Variants in TSPAN9 observed in about 807,000 individuals in gnomAD.
TSPAN9 encodes the protein tetraspanin 9, also known as tetraspanin-9.
A neutral mutation model predicts 31.0 loss-of-function variants in TSPAN9; 16 were observed. The ratio of observed to expected loss-of-function variants is 0.52; its 90% CI spans 0.35 to 0.78. The LOEUF (loss-of-function observed/expected upper bound fraction) is 0.78, where lower values mean the gene tolerates loss of function less well. TSPAN9 is among the 30% of genes least tolerant of loss of function. The pLI is 0.01. For missense variants in TSPAN9, 272 were observed against 312.5 expected (o/e 0.87, Z 0.98); for synonymous variants, 145 against 121.6 (o/e 1.19, Z -1.27).
At chr12:3,118,154 A>G (rs542459613) in intron 2 of TSPAN9, among the ~76,000 whole-genome samples, 1 of 151,312 alleles carries the variant, frequency 6.6e-6, no homozygotes, top group Non-Finnish European at 1.5e-5. Flanking sequence ...TACGTGAAGC[A>G]TGTAGAACCC....
chr12:3,109,692 G>A (rs922125317), intron 2 of TSPAN9, among the ~76,000 whole-genome samples: 2 of 151,694 alleles, frequency 1.3e-5, no homozygotes, highest in Admixed American at 1.3e-4. Flanking sequence ...CAGCTACTCA[G>A]GAGGCTGAGG....
intron 3 of TSPAN9, among the ~76,000 whole-genome samples, chr12:3,246,520 G>A (rs1342365413): frequency 6.6e-6 from 1 of 152,156 alleles, no homozygotes; most frequent in Non-Finnish European, 1.5e-5. Flanking sequence ...AGGGAAAGAG[G>A]CAGATGGACA....
intron 1 of TSPAN9, among the ~76,000 whole-genome samples, chr12:3,081,425 G>A (rs1007037087): frequency 7.2e-5 from 11 of 152,066 alleles, no homozygotes; most frequent in Non-Finnish European, 1.0e-4. Flanking sequence ...TGCTTTGCGC[G>A]TTCCTTCTTG....
chr12:3,225,876 A>G (rs982877352), intron 3 of TSPAN9, among the ~76,000 whole-genome samples: 1 of 152,144 alleles, frequency 6.6e-6, no homozygotes, highest in Admixed American at 6.5e-5. Flanking sequence ...TGGAAGAACA[A>G]AGCCATGCCA....
chr12:3,278,601 C>T lies in TSPAN9; in HGVS notation c.244C>T (p.Leu82Phe), dbSNP rs1337933556. Residue 82 changes from leucine to phenylalanine, a missense_variant, in exon 4 of 9, where the codon CTC (leucine) becomes TTC (phenylalanine). Physicochemically the swap from Leu to Phe is conservative, Grantham distance 22. Coordinates refer to ENST00000011898, the MANE Select transcript of TSPAN9 (RefSeq NM_006675.5). Reference sequence around the variant, plus strand: ...GGGGGCCATCAAGGAAAACAAGTGCCTCCTCCTCAGCGTAAGTTCTGTCCA... The same window carrying T: ...GGGGGCCATCAAGGAAAACAAGTGCTTCCTCCTCAGCGTAAGTTCTGTCCA... ...CLGAIKENKC[L>F]LLSFFIVLLV... 2 of 1,613,996 alleles carry T rather than the reference C, an allele frequency of 1.2e-6. No individual in the cohort carries two copies. Among genetic ancestry groups the T allele is most frequent in the Middle Eastern group, 1.6e-4 (1 of 6,062 alleles).
chr12:3,095,992 C>T (rs1565573802), intron 2 of TSPAN9, among the ~76,000 whole-genome samples: 1 of 150,166 alleles, frequency 6.7e-6, no homozygotes, highest in Non-Finnish European at 1.5e-5. Context: ...GGCGGCTGCT[C>T]CTTGCCCTCG....
Position 3,278,599 on chromosome 12 carries a change from G to C in TSPAN9, c.242G>C (p.Cys81Ser), listed in dbSNP as rs1565644248. ...CTGGGGGCCATCAAGGAAAACAAGT[G>C]CCTCCTCCTCAGCGTAAGTTCTGTC... ...GCLGAIKENK[C>S]LLLSFFIVLL... The change falls in exon 4 of 9, where the codon TGC (cysteine) becomes TCC (serine). Residue 81 changes from cysteine (C) to serine (S), a missense_variant. By Grantham distance (112) the Cys-to-Ser change is moderately radical. Transcript: ENST00000011898. The C allele has an allele frequency of 5.0e-6, 8 of 1,613,940 alleles. No homozygotes were observed. The highest frequency in any genetic ancestry group is 5.9e-6 in the Non-Finnish European group (7 of 1,180,002).
At chr12:3,244,711 C>T (rs10848836) in intron 3 of TSPAN9, among the ~76,000 whole-genome samples, 18 of 152,170 alleles carry the variant, frequency 1.2e-4, no homozygotes, top group Non-Finnish European at 7.4e-5. Flanking sequence ...TCTTTAGTCA[C>T]GGTGTGAGAC....
chr12:3,077,508 C>A (rs1469632291), intron 1 of TSPAN9, 55 bp downstream of exon 1: 2 of 152,332 alleles, frequency 1.3e-5, no homozygotes, highest in South Asian at 3.7e-4. Context: ...CGTGCGGAGT[C>A]GCGCGGCCTT....
chr12:3,198,413 A>C (rs111164783), intron 2 of TSPAN9, among the ~76,000 whole-genome samples: 2,753 of 45,988 alleles, frequency 0.06, 250 homozygotes, highest in East Asian at 0.12. Context: ...AGCACAGGTC[A>C]CACCAGCACA....
chr12:3,081,714 C>T (rs2098297909), intron 1 of TSPAN9, among the ~76,000 whole-genome samples: 1 of 151,612 alleles, frequency 6.6e-6, no homozygotes, highest in Non-Finnish European at 1.5e-5. Flanking sequence ...ATCTGTAATC[C>T]CAGTATTTTG....
At chr12:3,118,076 T>C (rs1460020592) in intron 2 of TSPAN9, among the ~76,000 whole-genome samples, 1 of 149,254 alleles carries the variant, frequency 6.7e-6, no homozygotes, top group Non-Finnish European at 1.5e-5. Context: ...AGACTCTTTT[T>C]CTCGCCTGTG....
chr12:3,261,799 G>A (rs1437003059), intron 3 of TSPAN9, among the ~76,000 whole-genome samples: 6 of 152,168 alleles, frequency 3.9e-5, no homozygotes, highest in South Asian at 2.1e-4. Flanking sequence ...ACCCTGACCC[G>A]TCCTGCATGT....
intron 2 of TSPAN9, among the ~76,000 whole-genome samples, chr12:3,124,601 G>A (rs1160189726): frequency 1.3e-5 from 2 of 151,518 alleles, no homozygotes; most frequent in Non-Finnish European, 2.9e-5. Flanking sequence ...GTAGAGACAG[G>A]GTTTCTCTAT....
chr12:3,093,770 T>C (rs1456463156), intron 2 of TSPAN9, among the ~76,000 whole-genome samples: 10 of 152,326 alleles, frequency 6.6e-5, no homozygotes, highest in African/African-American at 9.6e-5. Context: ...GGCCAGCTGG[T>C]GGAACCCCTG....
Position 3,168,775 on chromosome 12 carries a change from C to G in TSPAN9, c.-17-32402C>G, listed in dbSNP as rs1462120179. Among the ~76,000 whole-genome samples the G allele has an allele frequency of 6.6e-6, 1 of 152,206 alleles. No homozygotes were observed. Among genetic ancestry groups the G allele is most frequent in the Non-Finnish European group, 1.5e-5 (1 of 68,042 alleles). On this transcript the variant is annotated intron_variant, in intron 2 of 8. Transcript: ENST00000011898. This position sits in a 1 kb window ranked among gnomAD's most constrained non-coding sequence, Gnocchi z 4.0. Reference sequence around the variant, plus strand: ...AAGCTGAGGCCACTCTCCGCCCCCTCTCTTTTCTGTGTCTCCACCATAAAG... The same window carrying G: ...AAGCTGAGGCCACTCTCCGCCCCCTGTCTTTTCTGTGTCTCCACCATAAAG...
At chr12:3,141,128 G>A (rs2098334627) in intron 2 of TSPAN9, among the ~76,000 whole-genome samples, 2 of 152,020 alleles carry the variant, frequency 1.3e-5, no homozygotes, top group Non-Finnish European at 2.9e-5. Flanking sequence ...TTTGAGTTTT[G>A]CCTTTCCCAG....
intron 2 of TSPAN9, among the ~76,000 whole-genome samples, chr12:3,162,775 G>A (rs375478437): frequency 6.6e-4 from 101 of 152,294 alleles, no homozygotes; most frequent in African/African-American, 2.4e-3. Flanking sequence ...AACAAGTTAT[G>A]GTTATACCAG....
chr12:3,099,274 C>T (rs1445617192), intron 2 of TSPAN9, among the ~76,000 whole-genome samples: 3 of 152,150 alleles, frequency 2.0e-5, no homozygotes, highest in Admixed American at 6.6e-5. Flanking sequence ...TGTCTTCAAG[C>T]GCACGGATCT....
Sources: allele counts gnomAD v4.1 joint callset (sites outside exome capture counted in the v4.1 genomes callset), GRCh38; gene constraint gnomAD v4.1.1; non-coding constraint Gnocchi (gnomAD v3.1); transcripts MANE v1.5; gene names NCBI Gene and HGNC (gene_info 2026-07-23, HGNC 2026-07-21).